The following CDC42SE2 variants were observed in gnomAD, a reference collection of about 807,000 sequenced individuals.
CDC42SE2 encodes the protein CDC42 small effector protein 2.
In CDC42SE2, 3 loss-of-function variants were observed where a neutral mutation model predicts 11.5. The observed-to-expected ratio is 0.26, with a 90% confidence interval of 0.12 to 0.67. CDC42SE2 has a LOEUF of 0.67. Among genes scored for constraint, CDC42SE2 ranks in the 30% least tolerant of loss-of-function variants. CDC42SE2 has a pLI of 0.80. For synonymous variants in CDC42SE2, 33 were observed against 34.8 expected, an observed-to-expected ratio of 0.95 and a Z score of 0.18; for missense variants, 82 against 106.8, an observed-to-expected ratio of 0.77 and a Z score of 1.02.
intron 1 of CDC42SE2, among the ~76,000 whole-genome samples, chr5:131,307,301 G>C (rs1195299264): frequency 6.9e-6 from 1 of 144,962 alleles, no homozygotes; most frequent in Non-Finnish European, 1.5e-5. Context: ...CCACCTATGA[G>C]TGAGAATATG....
chr5:131,236,955 G>C, the CDC42SE2 span, among the ~76,000 whole-genome samples: 1 of 152,102 alleles, frequency 6.6e-6, no homozygotes, highest in Non-Finnish European at 1.5e-5. Flanking sequence ...TATAGACAGA[G>C]TTCCCATTCA....
At chr5:131,328,355 ATCT>A (rs1758341167) in intron 2 of CDC42SE2, among the ~76,000 whole-genome samples, 1 of 151,736 alleles carries the variant, frequency 6.6e-6, no homozygotes, top group South Asian at 2.1e-4. Flanking sequence ...TTCTTTGATA[ATCT>A]TAAATTTTCT....
At chr5:131,311,285 G>C (rs1347610160) in intron 1 of CDC42SE2, among the ~76,000 whole-genome samples, 1 of 151,506 alleles carries the variant, frequency 6.6e-6, no homozygotes, top group Non-Finnish European at 1.5e-5. Flanking sequence ...CTCTCTTCTG[G>C]CTTGTAGGGT....
At chr5:131,267,994 T>C (rs1316867833) in intron 1 of CDC42SE2, among the ~76,000 whole-genome samples, 1 of 151,804 alleles carries the variant, frequency 6.6e-6, no homozygotes, top group Non-Finnish European at 1.5e-5. Flanking sequence ...CAGGGGGACA[T>C]TATAGTTTTC....
At chr5:131,269,887 C>A (rs569505973) in intron 1 of CDC42SE2, among the ~76,000 whole-genome samples, 68 of 151,262 alleles carry the variant, frequency 4.5e-4, no homozygotes, top group South Asian at 1.0e-3. Context: ...ATGGTGAAAC[C>A]CCATCTCTAC....
At chr5:131,298,097 T>C (rs1757608654) in intron 1 of CDC42SE2, among the ~76,000 whole-genome samples, 1 of 151,944 alleles carries the variant, frequency 6.6e-6, no homozygotes, top group African/African-American at 2.4e-5. Flanking sequence ...AGCTGCTGTC[T>C]AGTCATCTTT....
chr5:131,343,560 A>G (rs1442902759), intron 2 of CDC42SE2, among the ~76,000 whole-genome samples: 1 of 152,116 alleles, frequency 6.6e-6, no homozygotes, highest in Non-Finnish European at 1.5e-5. Flanking sequence ...TAAAAATACA[A>G]AATTAGCCAG....
intron 3 of CDC42SE2, among the ~76,000 whole-genome samples, chr5:131,367,754 A>G (rs1353929105): frequency 6.6e-6 from 1 of 152,198 alleles, no homozygotes; most frequent in East Asian, 1.9e-4. Flanking sequence ...TGATTTAACA[A>G]AGTACCTTTT....
intron 1 of CDC42SE2, among the ~76,000 whole-genome samples, chr5:131,300,772 G>C (rs1757661669): frequency 6.9e-6 from 1 of 144,462 alleles, no homozygotes; most frequent in Non-Finnish European, 1.5e-5. Flanking sequence ...GACAGAGCGA[G>C]ACTCCGTCTC....
chr5:131,300,009 A>G (rs1283497342), intron 1 of CDC42SE2, among the ~76,000 whole-genome samples: 2 of 152,132 alleles, frequency 1.3e-5, no homozygotes, highest in African/African-American at 2.4e-5. Flanking sequence ...AGTATCTGAC[A>G]TTTATGCTGT....
In CDC42SE2 at chr5:131,359,256, G is replaced by T. The variant is rs902771459; in HGVS notation, c.-238G>T. 5.6e-6 allele frequency: 3 copies of T among 536,096 alleles called. No homozygotes were observed. Among genetic ancestry groups the T allele is most frequent in the Admixed American group, 3.4e-5 (1 of 29,634 alleles). The allele number at this position is 536,096 out of a possible 1,614,324, so 33.2% of individuals were successfully genotyped here. On this transcript the variant is annotated 5_prime_UTR_variant, in exon 3 of 5. Coordinates refer to ENST00000505065, the MANE Select transcript of CDC42SE2 (RefSeq NM_001375635.1). ...TCAAGACAACAATTTTTATACCTTC[G>T]TCGTGGTTCAGAAAGGAGTCTCTGT... is the stretch of plus-strand genomic sequence containing the variant.
At chr5:131,266,985 C>T (rs1195061635) in intron 1 of CDC42SE2, among the ~76,000 whole-genome samples, 1 of 120,534 alleles carries the variant, frequency 8.3e-6, no homozygotes, top group Non-Finnish European at 1.7e-5. Flanking sequence ...TTCGGATAAG[C>T]ACATCATCAG....
At chr5:131,355,633 C>G (rs781482294) in intron 2 of CDC42SE2, among the ~76,000 whole-genome samples, 9 of 152,044 alleles carry the variant, frequency 5.9e-5, no homozygotes, top group Non-Finnish European at 1.3e-4. Flanking sequence ...AGTCCAAATT[C>G]TGAATTTTTT....
At chr5:131,222,096 G>T in the CDC42SE2 span, among the ~76,000 whole-genome samples, 1 of 152,200 alleles carries the variant, frequency 6.6e-6, no homozygotes, top group Non-Finnish European at 1.5e-5. Flanking sequence ...GCTCACATGG[G>T]TGAGTGTTTC....
chr5:131,270,145 C>T (rs951261444), intron 1 of CDC42SE2, among the ~76,000 whole-genome samples: 9 of 151,890 alleles, frequency 5.9e-5, no homozygotes, highest in Non-Finnish European at 1.2e-4. Context: ...GAGGCTGAGG[C>T]GGGCAGATCA....
At chr5:131,227,409 T>A in the CDC42SE2 span, among the ~76,000 whole-genome samples, 1 of 150,724 alleles carries the variant, frequency 6.6e-6, no homozygotes, top group African/African-American at 2.4e-5. Flanking sequence ...CTGAGGCAGG[T>A]GGATCACTTG....
intron 2 of CDC42SE2, among the ~76,000 whole-genome samples, chr5:131,356,395 A>G (rs1289686254): frequency 6.6e-6 from 1 of 152,200 alleles, no homozygotes; most frequent in Non-Finnish European, 1.5e-5. Context: ...TTATATGTAA[A>G]TATGTTTTAC....
chr5:131,335,589 C>T lies in CDC42SE2; in HGVS notation c.-286+19445C>T, dbSNP rs184015365. On this transcript the variant is annotated intron_variant, in intron 2 of 4. Coordinates refer to ENST00000505065, the MANE Select transcript of CDC42SE2 (RefSeq NM_001375635.1). ...GGATGTTAAAGTCTCCCGTTATTATCGTGTGGGAATCTAAGTCTCTTTGTA... is the reference window on the plus strand; with the variant it reads ...GGATGTTAAAGTCTCCCGTTATTATTGTGTGGGAATCTAAGTCTCTTTGTA... 1.6e-3 allele frequency among the ~76,000 whole-genome samples: 239 copies of T among 152,142 alleles called. 1 individual carries two copies. Among genetic ancestry groups the T allele is most frequent in the Admixed American group, 0.014 (221 of 15,272 alleles).
At chr5:131,266,298 A>C (rs1054538507) in intron 1 of CDC42SE2, among the ~76,000 whole-genome samples, 1 of 152,166 alleles carries the variant, frequency 6.6e-6, no homozygotes, top group African/African-American at 2.4e-5. Flanking sequence ...GATTATTATG[A>C]AATAATGTAG....
Sources: gnomAD v4.1 joint callset for allele counts (sites outside exome capture counted in the v4.1 genomes callset) on GRCh38, gnomAD v4.1.1 for gene constraint, MANE v1.5 for transcripts, NCBI Gene and HGNC (gene_info 2026-07-23, HGNC 2026-07-21) for gene names.